The following GIGYF2 variants were observed in gnomAD, a reference collection of about 807,000 sequenced individuals.
GIGYF2 encodes GRB10-interacting GYF protein 2.
A neutral mutation model predicts 208.1 loss-of-function variants in GIGYF2; 25 were observed. That is an observed-to-expected ratio of 0.12 (90% confidence interval 0.09 to 0.17). The LOEUF (loss-of-function observed/expected upper bound fraction) is 0.17, where lower values mean the gene tolerates loss of function less well. GIGYF2 is among the 10% of genes least tolerant of loss of function. The pLI is 1.00. For synonymous variants in GIGYF2, 534 were observed against 543.8 expected, an observed-to-expected ratio of 0.98 and a Z score of 0.25; for missense variants, 1,302 against 1,579.4, an observed-to-expected ratio of 0.82 and a Z score of 2.98.
At chr2:232,715,927 G>T (rs1373428481) in intron 2 of GIGYF2, among the ~76,000 whole-genome samples, 1 of 151,690 alleles carries the variant, frequency 6.6e-6, no homozygotes, top group African/African-American at 2.4e-5. Context: ...ATTTCAACAG[G>T]CCAGGCCTAT....
In GIGYF2 at chr2:232,857,258, C is replaced by G. The variant is rs1690613312; in HGVS notation, c.*398C>G. On this transcript the variant is annotated 3_prime_UTR_variant, in exon 29 of 29. Transcript: ENST00000373563. ...TTTGTTTTTTCTTCTTCTTTTTCCC[C>G]CCATCAGGGCAAATGGTCTAACTGG... 1 of 314,064 alleles carries G rather than the reference C, an allele frequency of 3.2e-6. No homozygotes were observed. The highest frequency in any genetic ancestry group is 3.0e-5 in the South Asian group (1 of 33,722). The allele number at this position is 314,064 out of a possible 1,614,324, so 19.5% of individuals were successfully genotyped here.
intron 5 of GIGYF2, among the ~76,000 whole-genome samples, chr2:232,755,464 G>A (rs1698499528): frequency 1.3e-5 from 2 of 152,178 alleles, no homozygotes; most frequent in African/African-American, 4.8e-5. Context: ...CACCACGCCT[G>A]GCCTTTTACC....
At chr2:232,741,875 CT>C (rs534108951) in intron 3 of GIGYF2, among the ~76,000 whole-genome samples, 2 of 152,158 alleles carry the variant, frequency 1.3e-5, no homozygotes, top group Non-Finnish European at 2.9e-5. Context: ...TTATTATATT[CT>C]TCTACTAGCC....
At chr2:232,711,988 A>G (rs1307835122) in intron 2 of GIGYF2, among the ~76,000 whole-genome samples, 1 of 152,108 alleles carries the variant, frequency 6.6e-6, no homozygotes, top group Non-Finnish European at 1.5e-5. Flanking sequence ...TACATTATAC[A>G]GTATCAAAAA....
intron 22 of GIGYF2, among the ~76,000 whole-genome samples, chr2:232,835,799 C>T (rs1171054043): frequency 6.6e-6 from 1 of 152,076 alleles, no homozygotes; most frequent in Admixed American, 6.6e-5. Flanking sequence ...CTTTGATTGT[C>T]TTTTCCACAC....
At chr2:232,714,160 C>G (rs1472871768) in intron 2 of GIGYF2, among the ~76,000 whole-genome samples, 1 of 151,990 alleles carries the variant, frequency 6.6e-6, no homozygotes, top group Non-Finnish European at 1.5e-5. Flanking sequence ...ACCATGTTAG[C>G]CAGGATGGTT....
chr2:232,716,374 G>GTTTTTTTTTTTTTTTTTTTTTTTTT (rs397988241), intron 2 of GIGYF2, among the ~76,000 whole-genome samples: 1 of 100,290 alleles, frequency 1.0e-5, no homozygotes, highest in Non-Finnish European at 1.9e-5. Context: ...GGTGTTATTT[G>GTTTTTTTTTTTTTTTTTTTTTTTTT]TTTTTTTTTT....
chr2:232,743,128 T>C (rs1357663980), intron 3 of GIGYF2, among the ~76,000 whole-genome samples: 2 of 152,156 alleles, frequency 1.3e-5, no homozygotes, highest in African/African-American at 2.4e-5. Flanking sequence ...CTGCCACTTA[T>C]TTACTACCCA....
chr2:232,721,676 A>G (rs1244870795), intron 2 of GIGYF2, among the ~76,000 whole-genome samples: 2 of 152,010 alleles, frequency 1.3e-5, no homozygotes. Context: ...TTTTTTCTCT[A>G]TCTTTGTGCA....
At chr2:232,780,829 C>G (rs1029924600) in intron 8 of GIGYF2, among the ~76,000 whole-genome samples, 9 of 152,216 alleles carry the variant, frequency 5.9e-5, no homozygotes, top group Non-Finnish European at 1.0e-4. Flanking sequence ...GGCCATGTAA[C>G]TGTCTCTCAC....
At chr2:232,727,026 A>G (rs768919043) in intron 2 of GIGYF2, among the ~76,000 whole-genome samples, 3 of 152,116 alleles carry the variant, frequency 2.0e-5, no homozygotes, top group African/African-American at 4.8e-5. Flanking sequence ...GTGCAGTGGC[A>G]CGATGTCAGC....
intron 8 of GIGYF2, among the ~76,000 whole-genome samples, chr2:232,771,808 A>G (rs1022053503): frequency 2.0e-5 from 3 of 152,168 alleles, no homozygotes; most frequent in African/African-American, 4.8e-5. Flanking sequence ...GTATGTTTAA[A>G]TATGTAAGTG....
At chr2:232,746,303 A>G (rs1017393429) in intron 3 of GIGYF2, among the ~76,000 whole-genome samples, 4 of 152,124 alleles carry the variant, frequency 2.6e-5, no homozygotes, top group Non-Finnish European at 4.4e-5. Flanking sequence ...TAATGTGCAC[A>G]TATTTACTGT....
intron 14 of GIGYF2, among the ~76,000 whole-genome samples, chr2:232,798,932 T>A: frequency 6.6e-6 from 1 of 150,774 alleles, no homozygotes; most frequent in Non-Finnish European, 1.5e-5. Flanking sequence ...CAATAGTTCC[T>A]CATTTCCTCC....
At chr2:232,750,855 G>A (rs1559403008) in intron 5 of GIGYF2, among the ~76,000 whole-genome samples, 1 of 151,686 alleles carries the variant, frequency 6.6e-6, no homozygotes, top group Non-Finnish European at 1.5e-5. Context: ...GTATAGTGAG[G>A]GTCTCACTCT....
intron 8 of GIGYF2, among the ~76,000 whole-genome samples, chr2:232,773,138 A>G (rs1018717656): frequency 6.6e-6 from 1 of 152,152 alleles, no homozygotes. Flanking sequence ...TTTATAACTT[A>G]TTACCCTAAC....
chr2:232,811,082 C>T (rs1574911687), intron 16 of GIGYF2, 162 bp from the exon 17 acceptor site: 1 of 593,816 alleles, frequency 1.7e-6, no homozygotes, highest in African/African-American at 1.9e-5. Context: ...ATAGAATTTT[C>T]TATGTGTCTA....
intron 2 of GIGYF2, among the ~76,000 whole-genome samples, chr2:232,733,409 T>C (rs368155933): frequency 5.3e-5 from 8 of 152,316 alleles, no homozygotes; most frequent in African/African-American, 1.9e-4. Flanking sequence ...GACACAGGGC[T>C]GGAAGTACCT....
rs553489545 is a variant in GIGYF2 at position 232,733,609 on chromosome 2, A to T, written c.-43-1546A>T. On this transcript the variant is annotated intron_variant, in intron 2 of 28. Coordinates refer to ENST00000373563, the MANE Select transcript of GIGYF2 (RefSeq NM_001103146.3). ...GCCGTGTGTGATGTATCTTAGAGAT[A>T]TTTTACAGTATACAGTTGTCCCTCA... Among the ~76,000 whole-genome samples the T allele has an allele frequency of 3.3e-5, 5 of 152,276 alleles. No individual in the cohort carries two copies. In the South Asian group the frequency reaches 1.0e-3, roughly 32 times the overall value.
Sources: allele counts gnomAD v4.1 joint callset (sites outside exome capture counted in the v4.1 genomes callset), GRCh38; gene constraint gnomAD v4.1.1; transcripts MANE v1.5; gene names NCBI Gene and HGNC (gene_info 2026-07-23, HGNC 2026-07-21).